Variants in GLIS3 observed in about 807,000 individuals in gnomAD.
GLIS3 encodes the protein GLIS family zinc finger 3.
A neutral mutation model predicts 78.6 loss-of-function variants in GLIS3; 53 were observed. The observed-to-expected ratio is 0.67, with a 90% CI of 0.54 to 0.85. The LOEUF is 0.85. Among genes scored for constraint, GLIS3 ranks in the 40% least tolerant of loss-of-function variants. The pLI, the probability that GLIS3 is intolerant of heterozygous loss-of-function variation, is 0.00. For synonymous variants in GLIS3, 684 were observed against 509.9 expected (o/e 1.34, Z -4.60); for missense variants, 1,703 against 1,231.1 (o/e 1.38, Z -5.74).
In GLIS3 at chr9:4,092,297, G is replaced by A. The variant is rs1024580004; in HGVS notation, c.1710+25471C>T. Among the ~76,000 whole-genome samples the A allele has an allele frequency of 1.3e-4, 19 of 151,652 alleles. 1 individual carries two copies. Among genetic ancestry groups the A allele is most frequent in the South Asian group, 4.2e-4 (2 of 4,780 alleles). ...CTCCCGAGTAGCTGGGACTACAGGC[G>A]CCCACCACCATGCCTGGCTCATTTT... On this transcript the variant is annotated intron_variant, in intron 4 of 10. Coordinates refer to ENST00000381971, the MANE Select transcript of GLIS3 (RefSeq NM_001042413.2).
In GLIS3 at chr9:4,325,578, A is replaced by T. The variant is rs191944341; in HGVS notation, n.265-15050T>A. On this transcript the variant is annotated intron_variant and non_coding_transcript_variant, in intron 2 of 4. Transcript: ENST00000471664. ...CCTGCAAAATATCCACATTTCTACT[A>T]ATAACCTCCAGGATGCCTTTTCTAC... Among the ~76,000 whole-genome samples, 549 of 152,268 alleles carry T rather than the reference A, an allele frequency of 3.6e-3. 3 individuals are homozygous for T. The highest frequency in any genetic ancestry group is 0.013 in the African/African-American group (527 of 41,566).
chr9:4,032,483 T>C (rs988901482), intron 4 of GLIS3, among the ~76,000 whole-genome samples: 1 of 152,122 alleles, frequency 6.6e-6, no homozygotes, highest in African/African-American at 2.4e-5. Context: ...AAAAATCTTA[T>C]TTTTAAAAGA....
rs373908659 is a variant in GLIS3 at position 4,320,612 on chromosome 9, C to T, written n.265-10084G>A. Among the ~76,000 whole-genome samples the T allele has an allele frequency of 1.7e-4, 26 of 152,230 alleles. No individual in the cohort carries two copies. In the South Asian group the frequency reaches 5.2e-3, roughly 30 times the overall value. ...ATCATCATCACCAGCACTACCAATA[C>T]CACCATTACCACCTACACCATCACC... is the stretch of plus-strand genomic sequence containing the variant. On this transcript the variant is annotated intron_variant and non_coding_transcript_variant, in intron 2 of 4. Transcript: ENST00000471664.
At chr9:4,403,652 G>C in the GLIS3 span, among the ~76,000 whole-genome samples, 3 of 152,102 alleles carry the variant, frequency 2.0e-5, no homozygotes, top group Admixed American at 6.6e-5. Context: ...GTTGTCATCA[G>C]TTTAAAATAA....
intron 4 of GLIS3, among the ~76,000 whole-genome samples, chr9:4,088,789 A>C (rs1256598279): frequency 1.3e-5 from 2 of 152,248 alleles, no homozygotes; most frequent in East Asian, 3.8e-4. Flanking sequence ...GTAGTTTCAC[A>C]TTTATGAAGT....
chr9:4,437,444 C>G, the GLIS3 span, among the ~76,000 whole-genome samples: 756 of 150,274 alleles, frequency 5.0e-3, 9 homozygotes, highest in African/African-American at 0.016. Flanking sequence ...ATCTATCTAT[C>G]TATCTATCTA....
intron 4 of GLIS3, among the ~76,000 whole-genome samples, chr9:4,038,581 C>A (rs1824530083): frequency 6.6e-6 from 1 of 152,204 alleles, no homozygotes; most frequent in Admixed American, 6.5e-5. Context: ...AGGAATTTCC[C>A]AGGCATGTCT....
chr9:4,258,437 G>A (rs1277809244), intron 2 of GLIS3, among the ~76,000 whole-genome samples: 4 of 152,202 alleles, frequency 2.6e-5, no homozygotes, highest in Non-Finnish European at 5.9e-5. Flanking sequence ...AGTTACCTTA[G>A]TCAGAGAACT....
chr9:4,276,332 G>C (rs1587268681), intron 2 of GLIS3, among the ~76,000 whole-genome samples: 2 of 91,852 alleles, frequency 2.2e-5, no homozygotes, highest in South Asian at 4.2e-4. Flanking sequence ...GGGAGGGGAG[G>C]AGAGGGAAGG....
At chr9:4,005,152 T>C (rs1821441949) in intron 4 of GLIS3, among the ~76,000 whole-genome samples, 1 of 152,220 alleles carries the variant, frequency 6.6e-6, no homozygotes, top group South Asian at 2.1e-4. Context: ...GCACCCAAAA[T>C]GTCTTGAAAT....
chr9:3,834,516 C>T (rs888300410), intron 9 of GLIS3, among the ~76,000 whole-genome samples: 4 of 152,112 alleles, frequency 2.6e-5, no homozygotes, highest in Admixed American at 6.5e-5. Flanking sequence ...CCACTCATGG[C>T]TATTGTACCT....
chr9:3,967,916 T>A (rs181169580), intron 4 of GLIS3, among the ~76,000 whole-genome samples: 1 of 152,228 alleles, frequency 6.6e-6, no homozygotes, highest in East Asian at 1.9e-4. Flanking sequence ...GAAAATACTT[T>A]GTGCATTGTT....
At chr9:4,173,550 G>A (rs1816556246) in intron 2 of GLIS3, among the ~76,000 whole-genome samples, 1 of 141,848 alleles carries the variant, frequency 7.0e-6, no homozygotes, top group Non-Finnish European at 1.5e-5. Context: ...ATGTATATGT[G>A]TGTGTATAGA....
intron 2 of GLIS3, among the ~76,000 whole-genome samples, chr9:4,222,392 G>C (rs1821406393): frequency 6.6e-6 from 1 of 152,188 alleles, no homozygotes; most frequent in Non-Finnish European, 1.5e-5. Flanking sequence ...GCCATATGCT[G>C]ATTCATCTTA....
chr9:4,400,991 C>T, the GLIS3 span, among the ~76,000 whole-genome samples: 40,056 of 152,024 alleles, frequency 0.26, 6,033 homozygotes, highest in African/African-American at 0.41. Flanking sequence ...TTCTTAGCTA[C>T]TGTGGCTATG....
At chr9:4,396,025 G>A in the GLIS3 span, among the ~76,000 whole-genome samples, 1 of 151,990 alleles carries the variant, frequency 6.6e-6, no homozygotes, top group South Asian at 2.1e-4. Flanking sequence ...ACCTGCCTCG[G>A]CCTCCCAAAG....
chr9:4,082,281 T>C (rs1408066052), intron 4 of GLIS3, among the ~76,000 whole-genome samples: 1 of 152,202 alleles, frequency 6.6e-6, no homozygotes, highest in Non-Finnish European at 1.5e-5. Flanking sequence ...GAAGAAAAAC[T>C]TCTACATCCT....
chr9:4,135,266 C>CT (rs1307434411), intron 2 of GLIS3, among the ~76,000 whole-genome samples: 1 of 152,068 alleles, frequency 6.6e-6, no homozygotes, highest in African/African-American at 2.4e-5. Context: ...TGTCCATGTG[C>CT]TTTAAAAGGC....
chr9:4,059,845 A>T (rs1045366694), intron 4 of GLIS3, among the ~76,000 whole-genome samples: 49 of 112,150 alleles, frequency 4.4e-4, no homozygotes, highest in South Asian at 2.2e-3. Context: ...AGAGAGAGAG[A>T]GAGAGAGAGA....
Sources: gnomAD v4.1 joint callset for allele counts (sites outside exome capture counted in the v4.1 genomes callset) on GRCh38, gnomAD v4.1.1 for gene constraint, MANE v1.5 for transcripts, NCBI Gene and HGNC (gene_info 2026-07-23, HGNC 2026-07-21) for gene names.